The following ITPR1 variants were observed in gnomAD, a reference collection of about 807,000 sequenced individuals.
ITPR1 encodes the protein inositol 1,4,5-trisphosphate-gated calcium channel ITPR1.
ITPR1 carries 96 observed loss-of-function variants against 318.4 expected under a neutral mutation model. That is an observed-to-expected ratio of 0.30 (90% CI 0.26 to 0.36). The LOEUF (loss-of-function observed/expected upper bound fraction) is 0.36. Among genes scored for constraint, ITPR1 ranks in the 10% least tolerant of loss-of-function variants. ITPR1 has a pLI of 1.00. For missense variants in ITPR1, 2,440 were observed against 3,460.2 expected, an observed-to-expected ratio of 0.71 and a Z score of 7.40; for synonymous variants, 1,312 against 1,289.9, an observed-to-expected ratio of 1.02 and a Z score of -0.37.
intron 54 of ITPR1, among the ~76,000 whole-genome samples, chr3:4,802,964 T>G (rs1190011411): frequency 6.6e-6 from 1 of 152,108 alleles, no homozygotes; most frequent in Admixed American, 6.5e-5. Flanking sequence ...GTTCTCACAT[T>G]GCTATAAAAT....
intron 30 of ITPR1, among the ~76,000 whole-genome samples, chr3:4,687,083 CA>C: frequency 6.6e-6 from 1 of 152,210 alleles, no homozygotes; most frequent in Non-Finnish European, 1.5e-5. Context: ...TTTTCTAGAC[CA>C]GGGGTTAGCA....
Position 4,834,005 on chromosome 3 carries a change from C to T in ITPR1, c.8029-2769C>T, listed in dbSNP as rs138447035. Among the ~76,000 whole-genome samples, 982 of 152,304 alleles carry T rather than the reference C, an allele frequency of 6.4e-3. 10 individuals are homozygous for T. The highest frequency in any genetic ancestry group is 0.022 in the African/African-American group (915 of 41,576). On this transcript the variant is annotated intron_variant, in intron 60 of 61. Coordinates refer to ENST00000649015, the MANE Select transcript of ITPR1 (RefSeq NM_001378452.1). ...CTCCTGGGCTCAAACGATCCTCCTG[C>T]CCCAGCTTCCCGAGTGGCTAGGACT...
chr3:4,640,350 T>C (rs974487156), intron 6 of ITPR1, among the ~76,000 whole-genome samples: 1 of 152,190 alleles, frequency 6.6e-6, no homozygotes, highest in African/African-American at 2.4e-5. Context: ...ATGGGTTCTT[T>C]ACATTAGGCC....
At position 4,630,561 on chromosome 3, in the gene ITPR1, C is replaced by CATTATTATT. The variant is rs71053435; in HGVS notation, c.279+2714_279+2722dup. Among the ~76,000 whole-genome samples, 767 of 138,704 alleles carry CATTATTATT rather than the reference C, an allele frequency of 5.5e-3. 9 individuals are homozygous for CATTATTATT. Among genetic ancestry groups the CATTATTATT allele is most frequent in the African/African-American group, 0.013 (477 of 37,536 alleles). 91.0% of individuals were successfully genotyped at this position (138,704 alleles called of 152,430 possible). On this transcript the variant is annotated intron_variant, in intron 5 of 61. Coordinates refer to ENST00000649015, the MANE Select transcript of ITPR1 (RefSeq NM_001378452.1). ...TTTTTTTACTATTTTAAATTGTCCG[C>CATTATTATT]ATTATTATTATTATTATTATTATTA...
At chr3:4,691,821 T>C (rs2094483285) in intron 32 of ITPR1, among the ~76,000 whole-genome samples, 1 of 152,206 alleles carries the variant, frequency 6.6e-6, no homozygotes, top group South Asian at 2.1e-4. Flanking sequence ...TACAATCTTG[T>C]CTACGTATAT....
At position 4,788,066 on chromosome 3, in the gene ITPR1, C is replaced by A. The variant is rs751865067; in HGVS notation, c.6735C>A (p.Gly2245=). The A allele has an allele frequency of 1.1e-5, 17 of 1,611,648 alleles. No homozygotes were observed. Among genetic ancestry groups the A allele is most frequent in the African/African-American group, 5.3e-5 (4 of 74,882 alleles). Residue 2245 remains glycine (G), a synonymous_variant, in exon 52 of 62, where the codon GGC becomes GGA. Coordinates refer to ENST00000649015, the MANE Select transcript of ITPR1 (RefSeq NM_001378452.1). ...ATACTACAGAGAGAGACGAACAAGGCAGCAAAATCAATGATTTCTTTCTGC... is the reference window on the plus strand; with the variant it reads ...ATACTACAGAGAGAGACGAACAAGGAAGCAAAATCAATGATTTCTTTCTGC... ...IYYTTERDEQ[G]SKINDFFLRS...
intron 4 of ITPR1, among the ~76,000 whole-genome samples, chr3:4,531,234 G>T (rs1009614163): frequency 6.6e-6 from 1 of 152,258 alleles, no homozygotes; most frequent in Middle Eastern, 3.4e-3. Context: ...GATGTCCTAG[G>T]TTCCACATTT....
intron 60 of ITPR1, chr3:4,825,729 A>G (rs1451843876): frequency 6.6e-6 from 3 of 456,568 alleles, no homozygotes; most frequent in Non-Finnish European, 1.3e-5. Context: ...TAAAAGGGGA[A>G]CTGGCTGAAG....
intron 13 of ITPR1, among the ~76,000 whole-genome samples, chr3:4,658,703 T>C (rs921168314): frequency 5.9e-5 from 9 of 152,016 alleles, no homozygotes; most frequent in Non-Finnish European, 1.3e-4. Context: ...GCATAGTAAA[T>C]TTTATTAACA....
At chr3:4,813,398 A>G (rs906589929) in intron 57 of ITPR1, among the ~76,000 whole-genome samples, 164 bp downstream of exon 57, 2 of 152,224 alleles carry the variant, frequency 1.3e-5, no homozygotes, top group African/African-American at 2.4e-5. Flanking sequence ...AAAGAAGGTT[A>G]CACCTGAAGA....
At chr3:4,806,662 G>A (rs1329808634) in intron 55 of ITPR1, among the ~76,000 whole-genome samples, 1 of 152,146 alleles carries the variant, frequency 6.6e-6, no homozygotes, top group African/African-American at 2.4e-5. Flanking sequence ...TCCATTTCTT[G>A]TGAACACGTG....
intron 47 of ITPR1, among the ~76,000 whole-genome samples, chr3:4,776,217 A>G (rs1390264832): frequency 6.6e-6 from 1 of 152,120 alleles, no homozygotes; most frequent in East Asian, 1.9e-4. Context: ...CTACAGGTGC[A>G]TGCCATCATG....
intron 21 of ITPR1, 40 bp downstream of exon 21, chr3:4,673,427 G>T (rs1574794452): frequency 6.4e-7 from 1 of 1,553,516 alleles, no homozygotes; most frequent in Non-Finnish European, 8.7e-7. Context: ...ACATTATTCT[G>T]TGCGGCAGTA....
chr3:4,564,276 C>T (rs1033282249), intron 4 of ITPR1, among the ~76,000 whole-genome samples: 3 of 152,088 alleles, frequency 2.0e-5, no homozygotes, highest in Non-Finnish European at 2.9e-5. Flanking sequence ...GGAAGAAATC[C>T]GTTATGCCTC....
intron 50 of ITPR1, 102 bp downstream of exon 50, chr3:4,782,843 C>A: frequency 8.9e-7 from 1 of 1,120,034 alleles, no homozygotes; most frequent in Non-Finnish European, 1.2e-6. Context: ...ATGACTTTAA[C>A]CTAGGACTGT....
intron 4 of ITPR1, among the ~76,000 whole-genome samples, chr3:4,564,186 C>T (rs1403300183): frequency 6.6e-6 from 1 of 152,144 alleles, no homozygotes; most frequent in African/African-American, 2.4e-5. Context: ...GCTGATCCAC[C>T]CGCCTCGGCC....
rs1300042967 is a variant in ITPR1 at position 4,676,630 on chromosome 3, A to G, written c.2796A>G (p.Arg932=). 1 of 1,613,496 alleles carries G rather than the reference A, an allele frequency of 6.2e-7. No individual in the cohort carries two copies. The highest frequency in any genetic ancestry group is 8.5e-7 in the Non-Finnish European group (1 of 1,179,666). ...CTTTCCTAGGCAGTAACGTGATGAG[A>G]TCTATTCATGGCGTGGGAGAGCTGA... ...VEKLKSSNVM[R]SIHGVGELMT... The change falls in exon 24 of 62, where the codon AGA becomes AGG. Residue 932 remains arginine, a synonymous_variant. Coordinates refer to ENST00000649015, the MANE Select transcript of ITPR1 (RefSeq NM_001378452.1).
intron 34 of ITPR1, 42 bp downstream of exon 34, chr3:4,697,314 A>T: frequency 1.8e-6 from 2 of 1,105,996 alleles, no homozygotes; most frequent in Non-Finnish European, 1.2e-6. Context: ...GGAGAGTGAG[A>T]GGTGTGTGTG....
chr3:4,695,133 G>C (rs535963725), intron 33 of ITPR1, among the ~76,000 whole-genome samples: 7 of 152,272 alleles, frequency 4.6e-5, no homozygotes, highest in African/African-American at 1.7e-4. Flanking sequence ...TGTAAGTGTG[G>C]AACTAATTTA....
Sources: gnomAD v4.1 joint callset for allele counts (sites outside exome capture counted in the v4.1 genomes callset) on GRCh38, gnomAD v4.1.1 for gene constraint, MANE v1.5 for transcripts, NCBI Gene and HGNC (gene_info 2026-07-23, HGNC 2026-07-21) for gene names.